The following LONP2 variants were observed in gnomAD, a reference collection of about 807,000 sequenced individuals.
LONP2 encodes the protein lon protease homolog 2, peroxisomal.
Under a neutral mutation model 85.6 loss-of-function variants are expected in LONP2, and 60 were observed. That is an observed-to-expected ratio of 0.70 (90% CI 0.57 to 0.87). The LOEUF (loss-of-function observed/expected upper bound fraction) is 0.87, where lower values mean the gene tolerates loss of function less well. LONP2 is among the 40% of genes least tolerant of loss of function. The pLI is 0.00. For missense variants in LONP2, 860 were observed against 1,063.5 expected (o/e 0.81, Z 2.66); for synonymous variants, 395 against 389.7 (o/e 1.01, Z -0.16).
chr16:48,306,168 A>G (rs1228719277), intron 11 of LONP2, among the ~76,000 whole-genome samples: 1 of 152,242 alleles, frequency 6.6e-6, no homozygotes, highest in Non-Finnish European at 1.5e-5. Context: ...AAGGTAGAGG[A>G]TGAAATAAAT....
intron 8 of LONP2, among the ~76,000 whole-genome samples, chr16:48,285,937 T>A (rs1972430607): frequency 6.6e-6 from 1 of 152,256 alleles, no homozygotes; most frequent in East Asian, 1.9e-4. Context: ...ACACAGCAAT[T>A]CCCTGTTTCT....
chr16:48,315,963 A>ATTTTTTT (rs201723319), intron 11 of LONP2, among the ~76,000 whole-genome samples: 52 of 107,556 alleles, frequency 4.8e-4, no homozygotes, highest in African/African-American at 7.7e-4. Context: ...CCATATTGTA[A>ATTTTTTT]TTTTTTTTTT....
chr16:48,259,561 G>A (rs936364782), intron 4 of LONP2, among the ~76,000 whole-genome samples: 31 of 152,216 alleles, frequency 2.0e-4, no homozygotes, highest in African/African-American at 7.0e-4. Flanking sequence ...TTAAGTTGAG[G>A]CGTTGAGAAT....
downstream of LONP2, chr16:48,361,684 T>C: frequency 1.2e-6 from 2 of 1,612,508 alleles, no homozygotes; most frequent in Non-Finnish European, 1.7e-6. Flanking sequence ...ATAATGGCTG[T>C]TGCAATTCCT....
At chr16:48,324,037 C>T (rs1428821516) in intron 11 of LONP2, among the ~76,000 whole-genome samples, 1 of 152,324 alleles carries the variant, frequency 6.6e-6, no homozygotes, top group East Asian at 1.9e-4. Context: ...AAAAGATTAA[C>T]CTGAAATGAC....
chr16:48,269,661 T>C (rs888679759), intron 6 of LONP2, among the ~76,000 whole-genome samples: 3 of 152,134 alleles, frequency 2.0e-5, no homozygotes, highest in African/African-American at 4.8e-5. Flanking sequence ...AATGAACATA[T>C]GTTACTACTG....
At chr16:48,285,969 G>A (rs1399840296) in intron 8 of LONP2, among the ~76,000 whole-genome samples, 1 of 151,966 alleles carries the variant, frequency 6.6e-6, no homozygotes, top group African/African-American at 2.4e-5. Context: ...TCAGTCCCTG[G>A]CAGCTACCAT....
intron 13 of LONP2, 120 bp downstream of exon 13, chr16:48,347,834 C>A (rs1960018097): frequency 3.1e-6 from 3 of 963,414 alleles, no homozygotes; most frequent in African/African-American, 1.6e-5. Flanking sequence ...CCGTTTTGAA[C>A]CCCTGTGGAA....
chr16:48,350,935 G>T (rs562091391), intron 14 of LONP2, among the ~76,000 whole-genome samples: 1 of 152,244 alleles, frequency 6.6e-6, no homozygotes, highest in South Asian at 2.1e-4. Flanking sequence ...CCACCTCCAG[G>T]GCAGGTGATC....
chr16:48,250,211 A>C (rs977148568), intron 1 of LONP2, among the ~76,000 whole-genome samples: 1 of 150,416 alleles, frequency 6.6e-6, no homozygotes, highest in Non-Finnish European at 1.5e-5. Flanking sequence ...AAAAAACCAC[A>C]GTGGCTCACA....
rs2151039455 is a variant in LONP2 at position 48,355,963 on chromosome 16, C to T, written c.*4161C>T. 6.6e-6 allele frequency: 1 copy of T among 152,260 alleles called. No homozygotes were observed. The highest frequency in any genetic ancestry group is 2.1e-4 in the South Asian group (1 of 4,830). The allele number at this position is 152,260 out of a possible 1,614,324, so 9.4% of individuals were successfully genotyped here. A position where few individuals can be genotyped will look rare whatever the true frequency, so the allele number is the denominator to read the frequency against. ...TAAAAGCTTTAGGTGCTTTGCTTAT[C>T]AAGAAATCCTACACTGTCCACTGGA... On this transcript the variant is annotated 3_prime_UTR_variant, in exon 15 of 15. Coordinates refer to ENST00000285737, the MANE Select transcript of LONP2 (RefSeq NM_031490.5).
At chr16:48,270,359 A>G (rs1039870509) in intron 7 of LONP2, 85 bp downstream of exon 7, 5 of 1,431,542 alleles carry the variant, frequency 3.5e-6, no homozygotes, top group African/African-American at 2.8e-5. Flanking sequence ...CATAGCATAC[A>G]TCTATTTTCC....
intron 7 of LONP2, among the ~76,000 whole-genome samples, chr16:48,275,909 C>G (rs995874073): frequency 1.3e-5 from 2 of 152,092 alleles, no homozygotes; most frequent in African/African-American, 2.4e-5. Context: ...ATTATTTTCT[C>G]TCTGTGACTT....
At chr16:48,267,796 A>G (rs1027911797) in intron 6 of LONP2, among the ~76,000 whole-genome samples, 2 of 151,780 alleles carry the variant, frequency 1.3e-5, no homozygotes, top group African/African-American at 4.8e-5. Context: ...TTGTGTTTTT[A>G]GTAGAGATGG....
intron 11 of LONP2, among the ~76,000 whole-genome samples, chr16:48,324,124 C>T (rs1169489955): frequency 6.6e-6 from 1 of 152,074 alleles, no homozygotes; most frequent in Non-Finnish European, 1.5e-5. Flanking sequence ...CCTTTTCTGC[C>T]TTACCATGGG....
At chr16:48,347,210 T>C (rs1041457212) in intron 12 of LONP2, among the ~76,000 whole-genome samples, 1 of 152,196 alleles carries the variant, frequency 6.6e-6, no homozygotes, top group African/African-American at 2.4e-5. Flanking sequence ...ATTGGGTTTA[T>C]TCCTTGAAAA....
intron 11 of LONP2, 28 bp downstream of exon 11, chr16:48,303,333 G>A (rs758576817): frequency 6.2e-7 from 1 of 1,608,076 alleles, no homozygotes; most frequent in Non-Finnish European, 8.5e-7. Context: ...GGCATTCTCA[G>A]GCCTGGTGGC....
Position 48,244,362 on chromosome 16 carries a change from C to A in LONP2, c.-27C>A. 1 of 1,487,930 alleles carries A rather than the reference C, an allele frequency of 6.7e-7. No homozygotes were observed. Among genetic ancestry groups the A allele is most frequent in the Non-Finnish European group, 9.0e-7 (1 of 1,114,740 alleles). 92.2% of individuals were successfully genotyped at this position (1,487,930 alleles called of 1,614,324 possible). On this transcript the variant is annotated 5_prime_UTR_variant, in exon 1 of 15. Coordinates refer to ENST00000285737, the MANE Select transcript of LONP2 (RefSeq NM_031490.5). Reference sequence around the variant, plus strand: ...CAGCTGTCTGTCTGGCTCTTTTTGACAGCCCCCAGTGCGAAAGGCTGCCAG... The same window carrying A: ...CAGCTGTCTGTCTGGCTCTTTTTGAAAGCCCCCAGTGCGAAAGGCTGCCAG...
intron 8 of LONP2, among the ~76,000 whole-genome samples, chr16:48,295,383 A>T (rs1972647344): frequency 6.6e-6 from 1 of 152,148 alleles, no homozygotes; most frequent in Admixed American, 6.5e-5. Context: ...AGAAAAAAAG[A>T]GTTATTGATG....
Sources: allele counts gnomAD v4.1 joint callset (sites outside exome capture counted in the v4.1 genomes callset), GRCh38; gene constraint gnomAD v4.1.1; transcripts MANE v1.5; gene names NCBI Gene and HGNC (gene_info 2026-07-23, HGNC 2026-07-21).